Variants in NAV3 observed in about 807,000 individuals in gnomAD.
The protein encoded by NAV3 is pore membrane and/or filament interacting like protein 1.
A neutral mutation model predicts 244.7 loss-of-function variants in NAV3; 87 were observed. The ratio of observed to expected loss-of-function variants is 0.36; its 90% CI spans 0.30 to 0.42. The LOEUF is 0.42. Ranked by LOEUF, NAV3 falls within the 20% of genes least tolerant of loss-of-function variation. The pLI is 1.00. For missense variants in NAV3, 2,663 were observed against 2,893.3 expected, an observed-to-expected ratio of 0.92 and a Z score of 1.83; for synonymous variants, 1,126 against 1,042.2, an observed-to-expected ratio of 1.08 and a Z score of -1.55.
At chr12:77,807,374 G>C (rs1183388396) in intron 2 of NAV3, among the ~76,000 whole-genome samples, 1 of 152,150 alleles carries the variant, frequency 6.6e-6, no homozygotes, top group East Asian at 1.9e-4. Flanking sequence ...AGGCCTGGTG[G>C]TGACAAAATC....
rs1872608536 is a variant in NAV3, at chr12:77,818,547, G to A, written c.73-121772G>A. On this transcript the variant is annotated intron_variant, in intron 2 of 8. Coordinates refer to the NAV3 transcript ENST00000550042. ...CTGTTTTTGACAGAAAGTGTGGAAA[G>A]TTGGCAGTGTCTTTGCAGGGATGAG... 2.0e-5 allele frequency among the ~76,000 whole-genome samples: 3 copies of A among 152,120 alleles called. No individual in the cohort carries two copies. The South Asian group carries it at 6.2e-4, about 31-fold the overall frequency.
chr12:78,194,632 C>T (rs1310141908), intron 34 of NAV3, among the ~76,000 whole-genome samples: 1 of 152,050 alleles, frequency 6.6e-6, no homozygotes, highest in Non-Finnish European at 1.5e-5. Flanking sequence ...TTACTCAGGT[C>T]ACCAGAAGAA....
At chr12:77,716,653 C>T (rs2137274855) in intron 2 of NAV3, among the ~76,000 whole-genome samples, 1 of 151,982 alleles carries the variant, frequency 6.6e-6, no homozygotes, top group South Asian at 2.1e-4. Context: ...AGTAATAACT[C>T]AGATTACAAA....
chr12:78,199,190 G>T lies in NAV3; in HGVS notation c.6519-145G>T, dbSNP rs1388533731. ...TAGACCTCCTAACACCTTTGATCAT[G>T]AAAAGGTGGCCACCAATTGAAATGG... On this transcript the variant is annotated intron_variant, in intron 36 of 39. Coordinates refer to ENST00000397909, the MANE Select transcript of NAV3 (RefSeq NM_001024383.2). 4.0e-6 allele frequency: 3 copies of T among 748,448 alleles called. No homozygotes were observed. The Admixed American group carries it at 6.3e-5, about 16-fold the overall frequency. 46.4% of individuals were successfully genotyped at this position (748,448 alleles called of 1,614,324 possible).
intron 2 of NAV3, among the ~76,000 whole-genome samples, chr12:77,813,583 G>A (rs541676315): frequency 1.3e-5 from 2 of 151,980 alleles, no homozygotes; most frequent in Non-Finnish European, 2.9e-5. Context: ...ATACTTGGAG[G>A]GCCTATCCCA....
chr12:77,773,823 A>G (rs1592669886), intron 2 of NAV3, among the ~76,000 whole-genome samples: 2 of 152,080 alleles, frequency 1.3e-5, no homozygotes. Context: ...ACTATTTCCT[A>G]CTTTTTTAGG....
chr12:77,930,805 GTT>G (rs1170480154), intron 1 of NAV3, among the ~76,000 whole-genome samples: 4 of 152,094 alleles, frequency 2.6e-5, no homozygotes, highest in African/African-American at 9.7e-5. Flanking sequence ...CTGTTGGAAA[GTT>G]TGTCTAGGCA....
chr12:77,588,867 G>T (rs711101), intron 2 of NAV3, among the ~76,000 whole-genome samples: 82,553 of 151,972 alleles, frequency 0.54, 22,955 homozygotes, highest in Middle Eastern at 0.74. Flanking sequence ...TGTAAAATGT[G>T]AAATCCCTTT....
At chr12:77,659,305 G>T (rs1341308379) in intron 2 of NAV3, among the ~76,000 whole-genome samples, 1 of 151,508 alleles carries the variant, frequency 6.6e-6, no homozygotes, top group Non-Finnish European at 1.5e-5. Flanking sequence ...TGAAGGACAT[G>T]AACAGACCCT....
intron 9 of NAV3, among the ~76,000 whole-genome samples, chr12:78,024,445 C>T (rs1877670624): frequency 6.6e-6 from 1 of 152,138 alleles, no homozygotes; most frequent in Admixed American, 6.5e-5. Flanking sequence ...TCACCAGTCC[C>T]ATCCTTTCTC....
chr12:77,726,698 T>G (rs1200161409), intron 2 of NAV3, among the ~76,000 whole-genome samples: 1 of 149,818 alleles, frequency 6.7e-6, no homozygotes, highest in Non-Finnish European at 1.5e-5. Flanking sequence ...AAAGAGTGTT[T>G]GAGGCAAAAC....
chr12:78,194,665 G>T (rs147649653), intron 34 of NAV3, among the ~76,000 whole-genome samples: 3 of 152,028 alleles, frequency 2.0e-5, no homozygotes, highest in African/African-American at 7.2e-5. Context: ...GCCAAAAGGA[G>T]ATGTCCAGCG....
intron 2 of NAV3, among the ~76,000 whole-genome samples, chr12:77,574,012 A>G (rs1868958419): frequency 6.6e-6 from 1 of 152,168 alleles, no homozygotes; most frequent in African/African-American, 2.4e-5. Context: ...CTCAGCTCAT[A>G]CATAACATAC....
intron 2 of NAV3, among the ~76,000 whole-genome samples, chr12:77,747,608 C>T (rs1323359907): frequency 6.6e-6 from 1 of 152,072 alleles, no homozygotes; most frequent in Non-Finnish European, 1.5e-5. Context: ...GCACTATTCA[C>T]AATAGCAAAG....
intron 1 of NAV3, among the ~76,000 whole-genome samples, chr12:77,929,665 G>T (rs2137292794): frequency 6.6e-6 from 1 of 151,438 alleles, no homozygotes; most frequent in East Asian, 1.9e-4. Context: ...TTTCTTTTAA[G>T]ATGGAGTCTT....
At chr12:77,602,688 C>T (rs1044571801) in intron 2 of NAV3, among the ~76,000 whole-genome samples, 1 of 151,862 alleles carries the variant, frequency 6.6e-6, no homozygotes, top group Admixed American at 6.6e-5. Flanking sequence ...GTTTTGGACC[C>T]GATTTCACTA....
intron 1 of NAV3, among the ~76,000 whole-genome samples, chr12:77,931,973 C>A (rs956131506): frequency 6.6e-6 from 1 of 151,866 alleles, no homozygotes; most frequent in African/African-American, 2.4e-5. Flanking sequence ...TCATTATAGG[C>A]CATCCTATAA....
At chr12:78,050,551 C>T (rs1391411880) in intron 10 of NAV3, among the ~76,000 whole-genome samples, 2 of 152,100 alleles carry the variant, frequency 1.3e-5, no homozygotes, top group Non-Finnish European at 2.9e-5. Context: ...CCAAGGTGTA[C>T]TGATGGCCTT....
intron 12 of NAV3, among the ~76,000 whole-genome samples, chr12:78,100,047 G>A (rs1954460615): frequency 6.6e-6 from 1 of 151,842 alleles, no homozygotes; most frequent in Non-Finnish European, 1.5e-5. Flanking sequence ...AAAAAGGTCA[G>A]TGTATAAAGT....
Sources: allele counts gnomAD v4.1 joint callset (sites outside exome capture counted in the v4.1 genomes callset), GRCh38; gene constraint gnomAD v4.1.1; transcripts MANE v1.5; gene names NCBI Gene and HGNC (gene_info 2026-07-23, HGNC 2026-07-21).